The following COL12A1 variants were observed in gnomAD, a reference collection of about 807,000 sequenced individuals.
The protein encoded by COL12A1 is collagen alpha-1(XII) chain.
COL12A1 carries 114 observed loss-of-function variants against 349.7 expected under a neutral mutation model. The ratio of observed to expected loss-of-function variants is 0.33; its 90% CI spans 0.28 to 0.38. The LOEUF (loss-of-function observed/expected upper bound fraction) is 0.38. COL12A1 is among the 10% of genes least tolerant of loss of function. The probability of loss-of-function intolerance (pLI) is 1.00; values close to 1 mark genes in which losing one functional copy is unlikely to be tolerated. For synonymous variants in COL12A1, 1,369 were observed against 1,329.0 expected (o/e 1.03, Z -0.66); for missense variants, 3,284 against 3,756.9 (o/e 0.87, Z 3.29).
Position 75,085,468 on chromosome 6 carries a change from A to C in COL12A1, c.*1079T>G. 1 of 401,656 alleles carries C rather than the reference A, an allele frequency of 2.5e-6. No individual in the cohort carries two copies. Among genetic ancestry groups the C allele is most frequent in the Non-Finnish European group, 5.3e-6 (1 of 187,010 alleles). 24.9% of individuals were successfully genotyped at this position (401,656 alleles called of 1,614,324 possible). ...CCCGCGGTGATGGCACTCCAGTCTTAATCTCATAACTATAAATAGATAAGT... is the reference window on the plus strand; with the variant it reads ...CCCGCGGTGATGGCACTCCAGTCTTCATCTCATAACTATAAATAGATAAGT... On this transcript the variant is annotated 3_prime_UTR_variant, in exon 66 of 66. Transcript: ENST00000322507.
intron 51 of COL12A1, among the ~76,000 whole-genome samples, chr6:75,112,814 A>G (rs1007231462): frequency 6.6e-6 from 1 of 151,574 alleles, no homozygotes; most frequent in African/African-American, 2.4e-5. Flanking sequence ...TTTCACTGGC[A>G]TGTTTGTACT....
chr6:75,088,201 G>C (rs1453956452), intron 64 of COL12A1, among the ~76,000 whole-genome samples: 1 of 152,198 alleles, frequency 6.6e-6, no homozygotes, highest in Non-Finnish European at 1.5e-5. Context: ...TTTAGCCATA[G>C]GGCTGTCCTT....
At chr6:75,139,617 C>T (rs1010567759) in intron 27 of COL12A1, among the ~76,000 whole-genome samples, 4 of 152,220 alleles carry the variant, frequency 2.6e-5, no homozygotes, top group Non-Finnish European at 4.4e-5. Context: ...TACTGCTACA[C>T]ATACAGTGAA....
At chr6:75,157,490 A>G (rs373222682) in intron 14 of COL12A1, among the ~76,000 whole-genome samples, 2 of 152,192 alleles carry the variant, frequency 1.3e-5, no homozygotes. Context: ...CAGACACGAC[A>G]TCAGCTGGCA....
chr6:75,151,422 A>G (rs1347715114), intron 20 of COL12A1, 135 bp from the exon 21 acceptor site: 5 of 680,178 alleles, frequency 7.4e-6, no homozygotes, highest in African/African-American at 3.6e-5. Flanking sequence ...AGTTAACTAA[A>G]ACATACATAT....
At chr6:75,177,232 T>C (rs1253055744) in intron 12 of COL12A1, among the ~76,000 whole-genome samples, 2 of 151,588 alleles carry the variant, frequency 1.3e-5, no homozygotes, top group African/African-American at 4.9e-5. Flanking sequence ...AGGTCAGGAG[T>C]CTCAGACCAG....
In COL12A1 at chr6:75,126,470, A is replaced by G; in HGVS notation, c.6341T>C (p.Val2114Ala). 6.2e-7 allele frequency: 1 copy of G among 1,609,070 alleles called. No homozygotes were observed. The highest frequency in any genetic ancestry group is 8.5e-7 in the Non-Finnish European group (1 of 1,176,320). Residue 2114 changes from valine (V) to alanine (A), a missense_variant and splice_region_variant, in exon 39 of 66, where the codon GTG becomes GCG. Transcript: ENST00000322507. The stretch of plus-strand genomic sequence containing the variant: ...TATGTTCTGAGGAGGAAGGAGTCCC[A>G]CTGAAAACAAACATTGACACACATT... Reference protein sequence around the residue: ...GGHLTGNGRTVGLLPPQNIHI... With the variant: ...GGHLTGNGRTAGLLPPQNIHI...
intron 13 of COL12A1, among the ~76,000 whole-genome samples, chr6:75,171,118 C>T (rs987585298): frequency 3.9e-5 from 6 of 152,182 alleles, no homozygotes; most frequent in Non-Finnish European, 8.8e-5. Context: ...CAAGCACTAA[C>T]AGCAGCAATT....
rs375704787 is a variant in COL12A1, at chr6:75,177,726, C to T, written c.2374G>A (p.Val792Ile). 1.5e-5 allele frequency: 25 copies of T among 1,614,090 alleles called. No individual in the cohort carries two copies. The East Asian group carries it at 4.5e-4, about 29-fold the overall frequency. The change falls in exon 12 of 66, where the codon GTA (valine) becomes ATA (isoleucine). Residue 792 changes from valine (V) to isoleucine (I), a missense_variant. Transcript: ENST00000322507. ...GGTCCTGAGAAATATTCAGGAATTA[C>T]AGATACTTCATATTTCGTGTCTGGA... Reference protein sequence around the residue: ...LIPDTKYEVSVIPEYFSGPGT... With the variant: ...LIPDTKYEVSIIPEYFSGPGT...
intron 49 of COL12A1, among the ~76,000 whole-genome samples, chr6:75,114,479 CA>C (rs1768981745): frequency 6.6e-6 from 1 of 151,954 alleles, no homozygotes. Flanking sequence ...TTTAGTCAAT[CA>C]TTGTTCTGGG....
chr6:75,108,207 G>A (rs887739635), intron 52 of COL12A1, among the ~76,000 whole-genome samples: 9 of 151,510 alleles, frequency 5.9e-5, no homozygotes, highest in Non-Finnish European at 8.8e-5. Flanking sequence ...AGCCTCCCAA[G>A]TTGCTAGGAA....
In COL12A1 at chr6:75,183,459, C is replaced by T. The variant is rs568403703; in HGVS notation, c.1482G>A (p.Leu494=). The change falls in exon 10 of 66, where the codon TTG becomes TTA. Residue 494 remains leucine, a synonymous_variant. Transcript: ENST00000322507. ...TATCTTCAACTTTGGTGAATTTTTTCAAAGTGAACTCAGTATGAGGATCCC... is the reference window on the plus strand; with the variant it reads ...TATCTTCAACTTTGGTGAATTTTTTTAAAGTGAACTCAGTATGAGGATCCC... ...YSRDPHTEFT[L]KKFTKVEDII... is the part of the protein sequence containing the mutation. 1 of 1,614,154 alleles carries T rather than the reference C, an allele frequency of 6.2e-7. No individual in the cohort carries two copies. Among genetic ancestry groups the T allele is most frequent in the Non-Finnish European group, 8.5e-7 (1 of 1,180,026 alleles).
Position 75,130,175 on chromosome 6 carries a change from C to G in COL12A1, c.6126G>C (p.Ser2042=). 1 of 1,613,946 alleles carries G rather than the reference C, an allele frequency of 6.2e-7. No homozygotes were observed. The highest frequency in any genetic ancestry group is 8.5e-7 in the Non-Finnish European group (1 of 1,179,944). The change falls in exon 37 of 66, where the codon TCG becomes TCC. Residue 2042 remains serine, a synonymous_variant. Coordinates refer to ENST00000322507, the MANE Select transcript of COL12A1 (RefSeq NM_004370.6). ...GCCCATCAGCATGATCCCAGGCTAC[C>G]GAGAGGCTATTGGTTGTTTCACCAA... ...RVFGETTNSL[S]VAWDHADGPV...
At position 75,117,553 on chromosome 6, in the gene COL12A1, AG is replaced by A. The variant is rs1332821809; in HGVS notation, c.7355-8del. 6.2e-7 allele frequency: 1 copy of A among 1,610,378 alleles called. No homozygotes were observed. Among genetic ancestry groups the A allele is most frequent in the Non-Finnish European group, 8.5e-7 (1 of 1,177,264 alleles). ...ACTACAAAGACACTGAACCCTGCAAAGTAGCATTTATAGAATGAATCACGTA... is the reference window on the plus strand; with the variant it reads ...ACTACAAAGACACTGAACCCTGCAAATAGCATTTATAGAATGAATCACGTA... On this transcript the variant is annotated splice_polypyrimidine_tract_variant and splice_region_variant and intron_variant, in intron 46 of 65. Coordinates refer to ENST00000322507, the MANE Select transcript of COL12A1 (RefSeq NM_004370.6).
chr6:75,187,931 G>A (rs1313036435), intron 8 of COL12A1, among the ~76,000 whole-genome samples: 1 of 152,092 alleles, frequency 6.6e-6, no homozygotes, highest in East Asian at 1.9e-4. Flanking sequence ...AGAGTATAAT[G>A]ATAGAAAACC....
chr6:75,086,621 C>T, intron 65 of COL12A1, 64 bp from the exon 66 acceptor site: 8 of 1,268,536 alleles, frequency 6.3e-6, no homozygotes, highest in African/African-American at 4.6e-5. Flanking sequence ...TATAAATACA[C>T]ATCCATCTAC....
chr6:75,095,556 G>C (rs1022955618), intron 59 of COL12A1, among the ~76,000 whole-genome samples: 1 of 144,052 alleles, frequency 6.9e-6, no homozygotes, highest in Non-Finnish European at 1.5e-5. Context: ...AGCGGAGCTT[G>C]CAGTGAGCCG....
chr6:75,165,241 G>A (rs568745218), intron 14 of COL12A1, among the ~76,000 whole-genome samples: 31 of 151,678 alleles, frequency 2.0e-4, no homozygotes, highest in African/African-American at 7.3e-4. Flanking sequence ...TTACTAGTTG[G>A]GTATTCTATC....
chr6:75,171,981 C>T (rs978680042), intron 13 of COL12A1, among the ~76,000 whole-genome samples: 27 of 152,208 alleles, frequency 1.8e-4, no homozygotes, highest in African/African-American at 6.5e-4. Flanking sequence ...TTGTAAATTA[C>T]TACAATTTAG....
Sources: allele counts gnomAD v4.1 joint callset (sites outside exome capture counted in the v4.1 genomes callset), GRCh38; gene constraint gnomAD v4.1.1; transcripts MANE v1.5; gene names NCBI Gene and HGNC (gene_info 2026-07-23, HGNC 2026-07-21).